TRIT1: variants seen among roughly 807,000 people sequenced by gnomAD.
TRIT1 encodes tRNA isopentenyltransferase 1.
TRIT1 carries 43 observed loss-of-function variants against 51.2 expected under a neutral mutation model. The observed-to-expected ratio is 0.84, with a 90% CI of 0.66 to 1.08. The LOEUF (loss-of-function observed/expected upper bound fraction) is 1.08. Ranked by LOEUF, TRIT1 falls within the 50% of genes least tolerant of loss-of-function variation. The pLI, the probability that TRIT1 is intolerant of heterozygous loss-of-function variation, is 0.00. For synonymous variants in TRIT1, 184 were observed against 203.9 expected (o/e 0.90, Z 0.83); for missense variants, 528 against 578.4 (o/e 0.91, Z 0.89).
intron 1 of TRIT1, among the ~76,000 whole-genome samples, chr1:39,866,355 A>G (rs372221930): frequency 2.1e-4 from 32 of 152,276 alleles, no homozygotes; most frequent in African/African-American, 7.0e-4. Context: ...TCTAGTTTTA[A>G]TAGTCCAAGC....
intron 5 of TRIT1, among the ~76,000 whole-genome samples, chr1:39,849,288 C>G (rs1286326904): frequency 6.6e-6 from 1 of 152,168 alleles, no homozygotes; most frequent in Admixed American, 6.5e-5. Flanking sequence ...TTTGTCTTAA[C>G]AATTCACATA....
intron 4 of TRIT1, among the ~76,000 whole-genome samples, chr1:39,852,205 C>G (rs1642620002): frequency 6.6e-6 from 1 of 152,108 alleles, no homozygotes; most frequent in Non-Finnish European, 1.5e-5. Flanking sequence ...ATAAACCTAA[C>G]ATGAGGCTGC....
At chr1:39,872,784 GAGAGAGAGAA>G (rs1050630329) in intron 1 of TRIT1, among the ~76,000 whole-genome samples, 15 of 84,448 alleles carry the variant, frequency 1.8e-4, no homozygotes, top group Admixed American at 6.4e-4. Flanking sequence ...CACACACAGA[GAGAGAGAGAA>G]AGAGAGAGAA....
intron 1 of TRIT1, among the ~76,000 whole-genome samples, chr1:39,875,705 A>T (rs1644030119): frequency 6.6e-6 from 1 of 152,136 alleles, no homozygotes; most frequent in Non-Finnish European, 1.5e-5. Flanking sequence ...TTCTTTTGTC[A>T]GTAATATTAT....
chr1:39,848,101 G>T lies in TRIT1; in HGVS notation c.704-4C>A. On this transcript the variant is annotated splice_region_variant and splice_polypyrimidine_tract_variant and intron_variant, in intron 5 of 10. Coordinates refer to ENST00000316891, the MANE Select transcript of TRIT1 (RefSeq NM_017646.6). ...TTATCCAAGCGCTCATCTAGAACTT[G>T]AATCAAATTAGCCCATCAACCAGCA... 1 of 1,613,068 alleles carries T rather than the reference G, an allele frequency of 6.2e-7. No individual in the cohort carries two copies. The highest frequency in any genetic ancestry group is 8.5e-7 in the Non-Finnish European group (1 of 1,179,080).
intron 1 of TRIT1, among the ~76,000 whole-genome samples, chr1:39,857,689 G>GT (rs558891984): frequency 8.6e-4 from 131 of 152,318 alleles, no homozygotes; most frequent in African/African-American, 3.1e-3. Context: ...CCCAGAATTA[G>GT]TAAAAACGAA....
intron 1 of TRIT1, among the ~76,000 whole-genome samples, chr1:39,881,952 G>T (rs575058054): frequency 6.6e-6 from 1 of 152,302 alleles, no homozygotes; most frequent in South Asian, 2.1e-4. Context: ...CAGAAATTAT[G>T]ATTTTGTCTC....
At position 39,874,587 on chromosome 1, in the gene TRIT1, AG is replaced by A. The variant is rs1277139520; in HGVS notation, c.174+8730del. On this transcript the variant is annotated intron_variant, in intron 1 of 10. Coordinates refer to ENST00000316891, the MANE Select transcript of TRIT1 (RefSeq NM_017646.6). ...GGATGTGAACCAAAATCATTACTCC[AG>A]GATGCTAAGACTATGGTTAAATTGT... Among the ~76,000 whole-genome samples the A allele has an allele frequency of 2.6e-5, 4 of 152,316 alleles. No individual in the cohort carries two copies. The South Asian group carries it at 8.3e-4, about 32-fold the overall frequency.
chr1:39,845,763 G>A (rs1398698297), intron 8 of TRIT1, among the ~76,000 whole-genome samples: 2 of 152,198 alleles, frequency 1.3e-5, no homozygotes, highest in Non-Finnish European at 2.9e-5. Context: ...AGGCCATGCT[G>A]GGGTGGGGAA....
chr1:39,865,161 C>T (rs2124644624), intron 1 of TRIT1, among the ~76,000 whole-genome samples: 1 of 152,310 alleles, frequency 6.6e-6, no homozygotes, highest in African/African-American at 2.4e-5. Flanking sequence ...GAAAAAGCAA[C>T]AATCTGATAC....
chr1:39,853,224 A>C (rs1442670050), intron 3 of TRIT1, among the ~76,000 whole-genome samples: 1 of 152,212 alleles, frequency 6.6e-6, no homozygotes, highest in African/African-American at 2.4e-5. Context: ...TACAGTTTAC[A>C]CAGTCTTACC....
chr1:39,850,188 C>T lies in TRIT1; in HGVS notation c.634G>A (p.Gly212Ser). The stretch of plus-strand genomic sequence containing the variant: ...TTCAGAGGACCTCCAAGGGGACCAC[C>T]ACCTTCTTCCGTATGTTGACGATGG... ...FLHRQHTEEGGGPLGGPLKFS... is the reference protein window; with the variant it reads ...FLHRQHTEEGSGPLGGPLKFS... The change falls in exon 5 of 11, where the codon GGT (glycine) becomes AGT (serine). Residue 212 changes from glycine (G) to serine (S), a missense_variant. This residue lies in a region of TRIT1 where 468 missense variants were observed against 522.6 expected (regional missense o/e 0.90). Coordinates refer to ENST00000316891, the MANE Select transcript of TRIT1 (RefSeq NM_017646.6). 6.2e-7 allele frequency: 1 copy of T among 1,614,156 alleles called. No individual in the cohort carries two copies. The highest frequency in any genetic ancestry group is 8.5e-7 in the Non-Finnish European group (1 of 1,180,016).
rs149708820 is a variant in TRIT1 at position 39,883,063 on chromosome 1, C to T, written c.174+255G>A. ...AAAAAATCGTTTCACCTCCCTAAGC[C>T]CCAATTCCTTTCTCCATAAAAGGAG... On this transcript the variant is annotated intron_variant, in intron 1 of 10. Transcript: ENST00000316891. Among the ~76,000 whole-genome samples the T allele has an allele frequency of 4.1e-3, 630 of 152,298 alleles. 5 individuals carry two copies. The highest frequency in any genetic ancestry group is 7.6e-3 in the Non-Finnish European group (519 of 68,020).
chr1:39,845,442 G>A (rs992125347), intron 8 of TRIT1, among the ~76,000 whole-genome samples: 2 of 152,188 alleles, frequency 1.3e-5, no homozygotes, highest in Admixed American at 6.5e-5. Flanking sequence ...AAGGAGCATC[G>A]CCCATGGGCA....
chr1:39,875,655 T>C (rs1557584052), intron 1 of TRIT1, among the ~76,000 whole-genome samples: 1 of 152,242 alleles, frequency 6.6e-6, no homozygotes, highest in East Asian at 1.9e-4. Context: ...GGTCATTCCT[T>C]GAAAACATAC....
intron 1 of TRIT1, among the ~76,000 whole-genome samples, chr1:39,872,212 CTG>C (rs568203824): frequency 2.0e-4 from 30 of 151,910 alleles, no homozygotes; most frequent in African/African-American, 7.0e-4. Flanking sequence ...CAGCTGGCCA[CTG>C]TATGCAAATT....
At chr1:39,847,738 G>A in intron 6 of TRIT1, 78 bp from the exon 7 acceptor site, 1 of 1,603,122 alleles carries the variant, frequency 6.2e-7, no homozygotes, top group Non-Finnish European at 8.5e-7. Context: ...ACCTAGTTGA[G>A]CCATTTCATC....
rs761136258 is a variant in TRIT1, at chr1:39,844,648, T to C, written c.1007-8A>G. 26 of 1,604,432 alleles carry C rather than the reference T, an allele frequency of 1.6e-5. No homozygotes were observed. Among genetic ancestry groups the C allele is most frequent in the Non-Finnish European group, 2.2e-5 (26 of 1,171,448 alleles). Reference sequence around the variant, plus strand: ...GGACAATGGGACCAGGTCCTAATGATGACAAAGAAAGGTTGTGAGAGGTCA... The same window carrying C: ...GGACAATGGGACCAGGTCCTAATGACGACAAAGAAAGGTTGTGAGAGGTCA... On this transcript the variant is annotated splice_polypyrimidine_tract_variant and splice_region_variant and intron_variant, in intron 8 of 10. Transcript: ENST00000316891.
intron 4 of TRIT1, among the ~76,000 whole-genome samples, chr1:39,850,511 G>A (rs1244227481): frequency 2.0e-5 from 3 of 152,146 alleles, no homozygotes; most frequent in African/African-American, 7.2e-5. Context: ...GGGGCATGCA[G>A]AAAGGCTTAT....
Sources: gnomAD v4.1 joint callset for allele counts (sites outside exome capture counted in the v4.1 genomes callset) on GRCh38, gnomAD v4.1.1 for gene constraint, gnomAD v4.1.1 regional missense constraint, MANE v1.5 for transcripts, NCBI Gene and HGNC (gene_info 2026-07-23, HGNC 2026-07-21) for gene names.